Variants in TTC17 observed in about 807,000 individuals in gnomAD.
TTC17 encodes the protein tetratricopeptide repeat domain 17.
A neutral mutation model predicts 143.8 loss-of-function variants in TTC17; 58 were observed. That is an observed-to-expected ratio of 0.40 (90% confidence interval 0.33 to 0.50). The LOEUF (loss-of-function observed/expected upper bound fraction) is 0.50, where lower values mean the gene tolerates loss of function less well. Among genes scored for constraint, TTC17 ranks in the 20% least tolerant of loss-of-function variants. The pLI is 0.49. For synonymous variants in TTC17, 501 were observed against 497.8 expected, an observed-to-expected ratio of 1.01 and a Z score of -0.09; for missense variants, 1,273 against 1,392.5, an observed-to-expected ratio of 0.91 and a Z score of 1.37.
chr11:43,387,047 A>T (rs1857195605), intron 2 of TTC17, among the ~76,000 whole-genome samples: 1 of 152,140 alleles, frequency 6.6e-6, no homozygotes, highest in Admixed American at 6.5e-5. Context: ...GACTCCCAAA[A>T]TGCTAAGATT....
At chr11:43,472,953 TC>T (rs1397372229) in intron 21 of TTC17, among the ~76,000 whole-genome samples, 1 of 151,596 alleles carries the variant, frequency 6.6e-6, no homozygotes, top group Non-Finnish European at 1.5e-5. Flanking sequence ...GACCTGCAGA[TC>T]ACCTGAGGTC....
At chr11:43,414,237 A>G (rs1271173852) in intron 15 of TTC17, among the ~76,000 whole-genome samples, 1 of 152,194 alleles carries the variant, frequency 6.6e-6, no homozygotes. Context: ...TTCAAGAACT[A>G]TGATGACAGA....
At chr11:43,446,198 C>G (rs1229507793) in intron 18 of TTC17, 6 of 1,289,130 alleles carry the variant, frequency 4.7e-6, no homozygotes, top group Non-Finnish European at 5.9e-6. Context: ...ACATGCTATT[C>G]CCTCTGCCTG....
At chr11:43,369,723 T>G (rs1856489472) in intron 1 of TTC17, among the ~76,000 whole-genome samples, 1 of 152,074 alleles carries the variant, frequency 6.6e-6, no homozygotes, top group African/African-American at 2.4e-5. Context: ...TTCAAGTGAT[T>G]CTTCTGCCTC....
In TTC17 at chr11:43,391,584, G is replaced by A. The variant is rs559266839; in HGVS notation, c.531+8G>A. On this transcript the variant is annotated splice_region_variant and intron_variant, in intron 4 of 23. Coordinates refer to ENST00000039989, the MANE Select transcript of TTC17 (RefSeq NM_018259.6). ...GCTTTTCAGCACTTGAGAGTAAGTA[G>A]AGAACTTTAGGATTTTTTTTTTTTT... 1 of 1,501,698 alleles carries A rather than the reference G, an allele frequency of 6.7e-7. No individual in the cohort carries two copies. Among genetic ancestry groups the A allele is most frequent in the South Asian group, 1.3e-5 (1 of 79,524 alleles). 93.0% of individuals were successfully genotyped at this position (1,501,698 alleles called of 1,614,324 possible).
At chr11:43,359,262 T>G in intron 1 of TTC17, 149 bp downstream of exon 1, 1 of 1,007,908 alleles carries the variant, frequency 9.9e-7, no homozygotes, top group Non-Finnish European at 1.4e-6. Context: ...CTCCCTGCAT[T>G]CGGACCAGGC....
chr11:43,411,077 G>A (rs899997009), intron 15 of TTC17, among the ~76,000 whole-genome samples: 1 of 152,144 alleles, frequency 6.6e-6, no homozygotes, highest in African/African-American at 2.4e-5. Flanking sequence ...GTCAAATGTT[G>A]TTATTTGTTG....
chr11:43,419,799 T>C (rs1460719575), intron 16 of TTC17, among the ~76,000 whole-genome samples: 1 of 152,162 alleles, frequency 6.6e-6, no homozygotes, highest in East Asian at 1.9e-4. Flanking sequence ...CAGGCAATCC[T>C]CCCATCTCAG....
chr11:43,369,615 A>T, intron 1 of TTC17, among the ~76,000 whole-genome samples: 1 of 148,620 alleles, frequency 6.7e-6, no homozygotes, highest in African/African-American at 2.5e-5. Flanking sequence ...TTTGTTTCTG[A>T]TTTCTTTTTT....
chr11:43,477,553 G>A (rs186918826), intron 21 of TTC17, among the ~76,000 whole-genome samples: 1 of 152,152 alleles, frequency 6.6e-6, no homozygotes, highest in South Asian at 2.1e-4. Context: ...AGAAAAATGA[G>A]GAAGAAGCAA....
At chr11:43,365,729 C>T (rs2134436803) in intron 1 of TTC17, among the ~76,000 whole-genome samples, 1 of 152,300 alleles carries the variant, frequency 6.6e-6, no homozygotes, top group East Asian at 1.9e-4. Flanking sequence ...CCAAGACACC[C>T]AGAGTATCTG....
intron 1 of TTC17, among the ~76,000 whole-genome samples, chr11:43,371,894 A>G (rs1856581167): frequency 1.3e-5 from 2 of 152,200 alleles, no homozygotes; most frequent in Non-Finnish European, 2.9e-5. Context: ...AAAGAAATAC[A>G]TATGGCCAAG....
At chr11:43,384,725 C>T (rs960925220) in intron 2 of TTC17, among the ~76,000 whole-genome samples, 20 of 152,316 alleles carry the variant, frequency 1.3e-4, no homozygotes, top group African/African-American at 4.6e-4. Flanking sequence ...TTCTACTTCT[C>T]AGGGCTATTT....
chr11:43,359,851 T>A (rs762490954), intron 1 of TTC17, among the ~76,000 whole-genome samples: 6 of 152,246 alleles, frequency 3.9e-5, no homozygotes, highest in Non-Finnish European at 5.9e-5. Context: ...TGGATTCTTG[T>A]ATGCCTGAAC....
At chr11:43,447,823 G>A (rs1947576793) in intron 18 of TTC17, 179 bp from the exon 19 acceptor site, 1 of 647,882 alleles carries the variant, frequency 1.5e-6, no homozygotes. Flanking sequence ...ATGATCTTTA[G>A]TTCCATTGCA....
At chr11:43,388,681 A>G (rs2134516781) in intron 2 of TTC17, among the ~76,000 whole-genome samples, 1 of 151,834 alleles carries the variant, frequency 6.6e-6, no homozygotes, top group Non-Finnish European at 1.5e-5. Flanking sequence ...TCTATAAAAC[A>G]TAGAAAAGTT....
chr11:43,427,390 C>CA (rs1261378745), intron 16 of TTC17, among the ~76,000 whole-genome samples: 1 of 152,176 alleles, frequency 6.6e-6, no homozygotes, highest in Non-Finnish European at 1.5e-5. Context: ...GTATTTTACT[C>CA]ACTGACCGTA....
At position 43,490,388 on chromosome 11, in the gene TTC17, T is replaced by G. The variant is rs770095955; in HGVS notation, c.3150+30T>G. Reference sequence around the variant, plus strand: ...GTGGGACTCAGAAGGTGGGAACTTCTGCCCCTTTGTCCTTTCCATTCCCCA... The same window carrying G: ...GTGGGACTCAGAAGGTGGGAACTTCGGCCCCTTTGTCCTTTCCATTCCCCA... On this transcript the variant is annotated intron_variant, in intron 22 of 23. Coordinates refer to ENST00000039989, the MANE Select transcript of TTC17 (RefSeq NM_018259.6). 7 of 1,582,114 alleles carry G rather than the reference T, an allele frequency of 4.4e-6. No homozygotes were observed. The East Asian group carries it at 1.6e-4, about 36-fold the overall frequency.
chr11:43,406,685 A>G (rs927125231), intron 13 of TTC17, among the ~76,000 whole-genome samples: 1 of 152,190 alleles, frequency 6.6e-6, no homozygotes, highest in Non-Finnish European at 1.5e-5. Context: ...TAGGAATACA[A>G]AAAGATAAAC....
Sources: allele counts gnomAD v4.1 joint callset (sites outside exome capture counted in the v4.1 genomes callset), GRCh38; gene constraint gnomAD v4.1.1; transcripts MANE v1.5; gene names NCBI Gene and HGNC (gene_info 2026-07-23, HGNC 2026-07-21).